TAF1: variants seen among roughly 807,000 people sequenced by gnomAD.
TAF1 encodes the protein TATA-box binding protein associated factor 1, also known as transcription initiation factor TFIID subunit 1.
In TAF1, 2 loss-of-function variants were observed where a neutral mutation model predicts 138.5. The observed-to-expected ratio is 0.01, with a 90% CI of 0.01 to 0.05. TAF1 has a LOEUF of 0.05. TAF1 is among the 10% of genes least tolerant of loss of function. The pLI, the probability that TAF1 is intolerant of heterozygous loss-of-function variation, is 1.00. For missense variants in TAF1, 709 were observed against 1,478.0 expected, an observed-to-expected ratio of 0.48 and a Z score of 8.53; for synonymous variants, 437 against 503.2, an observed-to-expected ratio of 0.87 and a Z score of 1.76.
intron 36 of TAF1, among the ~76,000 whole-genome samples, chrX:71,460,155 C>T (rs1044544649): frequency 3.6e-5 from 4 of 111,821 alleles, no homozygotes; most frequent in Non-Finnish European, 7.5e-5. Flanking sequence ...GCAGGAGGAT[C>T]GCTTGAGCCC....
chrX:71,441,527 G>A (rs993621362), intron 32 of TAF1, among the ~76,000 whole-genome samples: 5 of 110,933 alleles, frequency 4.5e-5, no homozygotes, highest in African/African-American at 1.6e-4. Flanking sequence ...TAATTAGCAC[G>A]TCCACCATCT....
chrX:71,389,845 G>C, intron 18 of TAF1, 180 bp downstream of exon 18: 1 of 346,135 alleles, frequency 2.9e-6, no homozygotes, highest in Non-Finnish European at 4.8e-6. Context: ...TATTTTATAT[G>C]ATATGGGTTT....
intron 24 of TAF1, among the ~76,000 whole-genome samples, chrX:71,400,223 G>GAAGA (rs2035106663): frequency 9.1e-6 from 1 of 110,352 alleles, no homozygotes; most frequent in Non-Finnish European, 1.9e-5. Flanking sequence ...CCGAGTAGCT[G>GAAGA]GGATTACAGG....
chrX:71,528,222 T>C (rs1220949770), intron 13 of TAF1: 3 of 221,321 alleles, frequency 1.4e-5, no homozygotes, highest in South Asian at 1.0e-4. Context: ...GCACATTTGC[T>C]CACTTTTCTT....
intron 17 of TAF1, 105 bp from the exon 18 acceptor site, chrX:71,389,480 A>G: frequency 1.6e-6 from 1 of 612,478 alleles, no homozygotes; most frequent in African/African-American, 2.3e-5. Flanking sequence ...GAATCCATCT[A>G]TGCAAAATAG....
At chrX:71,458,387 T>A (rs767431913) in intron 35 of TAF1, 21 bp downstream of exon 35, 1 of 1,206,289 alleles carries the variant, frequency 8.3e-7, no homozygotes, top group Admixed American at 2.2e-5. Flanking sequence ...CTTTTTCTCT[T>A]TATAAGATTG....
intron 13 of TAF1, among the ~76,000 whole-genome samples, chrX:71,503,277 A>AATAT (rs1166964675): frequency 1.1e-5 from 1 of 90,169 alleles, no homozygotes; most frequent in African/African-American, 4.5e-5. Context: ...TCAAAAAAAA[A>AATAT]ATATATATAT....
intron 32 of TAF1, among the ~76,000 whole-genome samples, chrX:71,445,525 C>T (rs980000058): frequency 9.0e-5 from 10 of 111,435 alleles, no homozygotes; most frequent in African/African-American, 3.3e-4. Flanking sequence ...ATTGAATTGC[C>T]CTGTATGTAC....
chrX:71,446,344 G>A (rs747351041), intron 32 of TAF1, among the ~76,000 whole-genome samples: 5 of 112,176 alleles, frequency 4.5e-5, no homozygotes, highest in Non-Finnish European at 3.8e-5. Context: ...GAAAATATCT[G>A]TTTCCCTACA....
At chrX:71,487,199 T>C (rs1361722158) in intron 13 of TAF1, among the ~76,000 whole-genome samples, 1 of 109,797 alleles carries the variant, frequency 9.1e-6, no homozygotes, top group Non-Finnish European at 1.9e-5. Flanking sequence ...ATCTGTTCTT[T>C]CTTTCCGTCT....
intron 37 of TAF1, chrX:71,461,082 G>T: frequency 3.2e-6 from 1 of 316,347 alleles, no homozygotes; most frequent in East Asian, 6.2e-5. Context: ...GCACCACTGA[G>T]AAGGGAGTGT....
Position 71,366,507 on chromosome X carries a change from GCGTGGGGGTAGGGCTC to G in TAF1, c.120+14_120+29del. Reference sequence around the variant, plus strand: ...CGTCTTGGATGATGTGAGGGGGTGGGCGTGGGGGTAGGGCTCGGGGGGTGGGGCTAAGCAGAGGAAG... The same window carrying G: ...CGTCTTGGATGATGTGAGGGGGTGGGGGGGGGTGGGGCTAAGCAGAGGAAG... On this transcript the variant is annotated intron_variant, in intron 1 of 37. Transcript: ENST00000423759. 2.8e-6 allele frequency: 3 copies of G among 1,083,876 alleles called. No homozygotes were observed. The allele number at this position is 1,083,876 out of a possible 1,213,427, so 89.3% of individuals were successfully genotyped here. A position where few individuals can be genotyped will look rare whatever the true frequency, so the allele number is the denominator to read the frequency against.
chrX:71,389,723 A>C, intron 18 of TAF1, 58 bp downstream of exon 18: 1 of 923,545 alleles, frequency 1.1e-6, no homozygotes, highest in Non-Finnish European at 1.5e-6. Context: ...TCCTTTTAAA[A>C]GAGACAGCTT....
intron 4 of TAF1, among the ~76,000 whole-genome samples, chrX:71,376,667 A>C (rs1221961553): frequency 1.1e-5 from 1 of 91,219 alleles, no homozygotes; most frequent in Non-Finnish European, 2.0e-5. Flanking sequence ...ACTCTGTCTC[A>C]AAAAAAAAAA....
intron 8 of TAF1, 42 bp from the exon 9 acceptor site, chrX:71,381,701 A>T: frequency 8.5e-7 from 1 of 1,179,577 alleles, no homozygotes; most frequent in East Asian, 3.0e-5. Flanking sequence ...AAGGGGCATA[A>T]ATGTTTTCTC....
chrX:71,394,616 A>G lies in TAF1; in HGVS notation c.3406+371A>G, dbSNP rs190101477. On this transcript the variant is annotated intron_variant, in intron 22 of 37. Transcript: ENST00000423759. ...AAACTTCTGAAATTACATGTAAAAT[A>G]TGTAAATGTGCATTTTATTATTTTT... is the stretch of plus-strand genomic sequence containing the variant. 2.8e-3 allele frequency among the ~76,000 whole-genome samples: 317 copies of G among 112,954 alleles called. 1 individual carries two copies. Among genetic ancestry groups the G allele is most frequent in the African/African-American group, 9.7e-3 (304 of 31,191 alleles).
intron 32 of TAF1, among the ~76,000 whole-genome samples, chrX:71,429,379 T>C (rs1262764956): frequency 9.0e-6 from 1 of 111,518 alleles, no homozygotes; most frequent in African/African-American, 3.3e-5. Context: ...GAGCACCTAC[T>C]GTGCCAAGGA....
At chrX:71,368,031 G>A (rs765947831) in intron 2 of TAF1, 23 bp from the exon 3 acceptor site, 7 of 1,196,091 alleles carry the variant, frequency 5.9e-6, no homozygotes, top group South Asian at 1.8e-5. Flanking sequence ...CTGTTGTTGC[G>A]ATTCTCCCTG....
At chrX:71,414,495 A>AT (rs1331026254) in intron 28 of TAF1, among the ~76,000 whole-genome samples, 2 of 84,998 alleles carry the variant, frequency 2.4e-5, no homozygotes, top group Non-Finnish European at 4.4e-5. Context: ...TTACACCGTT[A>AT]TCATAAGGTC....
Sources: gnomAD v4.1 joint callset for allele counts (sites outside exome capture counted in the v4.1 genomes callset) on GRCh38, gnomAD v4.1.1 for gene constraint, MANE v1.5 for transcripts, NCBI Gene and HGNC (gene_info 2026-07-23, HGNC 2026-07-21) for gene names.